The following CHSY1 variants were observed in gnomAD, a reference collection of about 807,000 sequenced individuals.
CHSY1 encodes the protein N-acetylgalactosaminyl-proteoglycan 3-beta-glucuronosyltransferase 1.
Under a neutral mutation model 59.8 loss-of-function variants are expected in CHSY1, and 13 were observed. The observed-to-expected ratio is 0.22, with a 90% CI of 0.14 to 0.35. The LOEUF is 0.35. Among genes scored for constraint, CHSY1 ranks in the 10% least tolerant of loss-of-function variants. CHSY1 has a pLI of 1.00. For missense variants in CHSY1, 947 were observed against 1,030.6 expected, an observed-to-expected ratio of 0.92 and a Z score of 1.11; for synonymous variants, 459 against 401.2, an observed-to-expected ratio of 1.14 and a Z score of -1.72.
chr15:101,200,025 G>A (rs192236593), intron 2 of CHSY1, among the ~76,000 whole-genome samples: 12 of 152,290 alleles, frequency 7.9e-5, no homozygotes, highest in Non-Finnish European at 2.9e-5. Context: ...TTCGTTTCAC[G>A]CAACCAATGT....
intron 2 of CHSY1, among the ~76,000 whole-genome samples, chr15:101,183,092 A>C (rs1308102944): frequency 1.3e-5 from 2 of 152,198 alleles, no homozygotes; most frequent in Non-Finnish European, 2.9e-5. Context: ...ACAGCAAAAC[A>C]AAGGAGTAGA....
rs557807704 is a variant in CHSY1, at chr15:101,212,661, A to G, written c.816+22421T>C. Among the ~76,000 whole-genome samples, 19 of 152,386 alleles carry G rather than the reference A, an allele frequency of 1.2e-4. No individual in the cohort carries two copies. In the South Asian group the frequency reaches 1.4e-3, roughly 12 times the overall value. On this transcript the variant is annotated intron_variant, in intron 2 of 2. Coordinates refer to ENST00000254190, the MANE Select transcript of CHSY1 (RefSeq NM_014918.5). ...ACTTTCTGAGGTAAATGTAATATAC[A>G]TCTTACAAGGAGTCTGGGTTACTAC...
At chr15:101,234,865 T>C (rs2038925576) in intron 2 of CHSY1, among the ~76,000 whole-genome samples, 1 of 151,904 alleles carries the variant, frequency 6.6e-6, no homozygotes, top group South Asian at 2.1e-4. Flanking sequence ...AGACTCTCTC[T>C]GGGGGGAGAA....
chr15:101,214,965 C>T (rs532664703), intron 2 of CHSY1, among the ~76,000 whole-genome samples: 80 of 152,214 alleles, frequency 5.3e-4, no homozygotes, highest in Non-Finnish European at 9.6e-4. Flanking sequence ...AGTGAGTTCT[C>T]GCAAGATCTC....
intron 2 of CHSY1, among the ~76,000 whole-genome samples, chr15:101,182,113 C>A (rs960427825): frequency 2.0e-5 from 3 of 152,110 alleles, no homozygotes; most frequent in African/African-American, 7.2e-5. Context: ...CAGCTGCAGA[C>A]CTCAATCTAC....
chr15:101,232,194 G>A (rs555077708), intron 2 of CHSY1, among the ~76,000 whole-genome samples: 2 of 152,206 alleles, frequency 1.3e-5, no homozygotes, highest in South Asian at 4.1e-4. Context: ...GCTTATAATA[G>A]GGCAAAATAA....
At chr15:101,220,345 T>A (rs1427903805) in intron 2 of CHSY1, among the ~76,000 whole-genome samples, 1 of 152,084 alleles carries the variant, frequency 6.6e-6, no homozygotes, top group Non-Finnish European at 1.5e-5. Context: ...ATACCATCAA[T>A]ATGCTGCAGA....
At chr15:101,207,625 T>A (rs980521091) in intron 2 of CHSY1, among the ~76,000 whole-genome samples, 7 of 152,188 alleles carry the variant, frequency 4.6e-5, no homozygotes, top group African/African-American at 1.7e-4. Flanking sequence ...AAAAGTTGAA[T>A]ATTTGGCACA....
intron 2 of CHSY1, among the ~76,000 whole-genome samples, chr15:101,203,860 G>A (rs574073389): frequency 6.6e-6 from 1 of 152,272 alleles, no homozygotes; most frequent in Admixed American, 6.5e-5. Context: ...AGGTTAAAGG[G>A]CACTTAAAGA....
intron 2 of CHSY1, among the ~76,000 whole-genome samples, chr15:101,225,196 T>C (rs1021041209): frequency 1.3e-5 from 2 of 151,750 alleles, no homozygotes; most frequent in African/African-American, 4.8e-5. Context: ...ACCTCCAAAG[T>C]AGCTAGGACC....
chr15:101,251,060 G>C (rs900491628), intron 1 of CHSY1, 77 bp downstream of exon 1: 8 of 1,387,068 alleles, frequency 5.8e-6, no homozygotes, highest in Non-Finnish European at 6.9e-6. Flanking sequence ...GCGGAGGCGA[G>C]AGCCAGGAGA....
chr15:101,188,061 C>T, intron 2 of CHSY1: 1 of 985,460 alleles, frequency 1.0e-6, no homozygotes, highest in Non-Finnish European at 1.2e-6. Flanking sequence ...CTCATTAAGT[C>T]CTCGTTCTTC....
chr15:101,223,744 A>G (rs1284247173), intron 2 of CHSY1, among the ~76,000 whole-genome samples: 1 of 74,448 alleles, frequency 1.3e-5, no homozygotes, highest in Middle Eastern at 8.9e-3. Context: ...ACTGGGACTC[A>G]GGCCTCGTCT....
At chr15:101,242,455 C>A (rs1337714981) in intron 1 of CHSY1, 1 of 152,238 alleles carries the variant, frequency 6.6e-6, no homozygotes, top group Non-Finnish European at 1.5e-5. Flanking sequence ...TGAGAAGTCA[C>A]GAGACTGTGT....
intron 2 of CHSY1, among the ~76,000 whole-genome samples, chr15:101,231,214 G>A (rs1596450768): frequency 1.3e-5 from 2 of 152,282 alleles, no homozygotes; most frequent in South Asian, 4.1e-4. Context: ...TGACCGCCTA[G>A]AAACACTGCC....
At position 101,178,677 on chromosome 15, in the gene CHSY1, G is replaced by C. The variant is rs1264025647; in HGVS notation, c.1120C>G (p.Leu374Val). ...TTTCCAGTCAGAAACTCCCATTCCAGAATCTCCTCTCGCTGGCGGGGCTGA... is the reference window on the plus strand; with the variant it reads ...TTTCCAGTCAGAAACTCCCATTCCACAATCTCCTCTCGCTGGCGGGGCTGA... ...RFQPRQREEILEWEFLTGKYL... is the reference protein window; with the variant it reads ...RFQPRQREEIVEWEFLTGKYL... Residue 374 changes from leucine to valine, a missense_variant, in exon 3 of 3, where the codon CTG becomes GTG. Coordinates refer to ENST00000254190, the MANE Select transcript of CHSY1 (RefSeq NM_014918.5). 1.3e-5 allele frequency: 21 copies of C among 1,614,114 alleles called. No individual in the cohort carries two copies. In the Admixed American group the frequency reaches 2.8e-4, roughly 22 times the overall value.
chr15:101,247,182 T>C (rs1253191898), intron 1 of CHSY1, among the ~76,000 whole-genome samples: 1 of 152,188 alleles, frequency 6.6e-6, no homozygotes, highest in Non-Finnish European at 1.5e-5. Context: ...CTTGGGGCTC[T>C]TCTTTTACTG....
At chr15:101,189,620 A>C in intron 2 of CHSY1, 1 of 229,198 alleles carries the variant, frequency 4.4e-6, no homozygotes, top group Non-Finnish European at 7.2e-6. Context: ...AAGAGAGAAA[A>C]AAGAAATACA....
intron 2 of CHSY1, among the ~76,000 whole-genome samples, chr15:101,200,672 C>A (rs530109586): frequency 1.3e-5 from 2 of 152,182 alleles, no homozygotes; most frequent in Admixed American, 6.5e-5. Flanking sequence ...TTCTGCAGCC[C>A]GCAAGCAAGC....
Sources: allele counts gnomAD v4.1 joint callset (sites outside exome capture counted in the v4.1 genomes callset), GRCh38; gene constraint gnomAD v4.1.1; transcripts MANE v1.5; gene names NCBI Gene and HGNC (gene_info 2026-07-23, HGNC 2026-07-21).